The following ZMAT4 variants were observed in gnomAD, a reference collection of about 807,000 sequenced individuals.
The protein encoded by ZMAT4 is zinc finger matrin-type protein 4.
Under a neutral mutation model 28.7 loss-of-function variants are expected in ZMAT4, and 17 were observed. The ratio of observed to expected loss-of-function variants is 0.59; its 90% CI spans 0.41 to 0.89. The LOEUF is 0.89. Ranked by LOEUF, ZMAT4 falls within the 40% of genes least tolerant of loss-of-function variation. The pLI is 0.00. For synonymous variants in ZMAT4, 117 were observed against 109.2 expected, an observed-to-expected ratio of 1.07 and a Z score of -0.44; for missense variants, 240 against 283.8, an observed-to-expected ratio of 0.85 and a Z score of 1.11.
At chr8:40,744,516 A>G (rs1357824813) in intron 3 of ZMAT4, among the ~76,000 whole-genome samples, 1 of 152,146 alleles carries the variant, frequency 6.6e-6, no homozygotes, top group Non-Finnish European at 1.5e-5. Context: ...AGGGCTCACC[A>G]TTTCTGTCCT....
intron 2 of ZMAT4, among the ~76,000 whole-genome samples, chr8:40,769,053 G>T (rs1400280176): frequency 6.6e-6 from 1 of 152,092 alleles, no homozygotes; most frequent in Non-Finnish European, 1.5e-5. Context: ...CCTATATTCT[G>T]TCTAGAGCAA....
chr8:40,811,026 T>A (rs1276972969), intron 2 of ZMAT4, among the ~76,000 whole-genome samples: 4 of 152,172 alleles, frequency 2.6e-5, no homozygotes, highest in Non-Finnish European at 5.9e-5. Flanking sequence ...ATAAAGCCAA[T>A]GATTGGCAGA....
chr8:40,842,723 A>G (rs1816745908), intron 1 of ZMAT4, among the ~76,000 whole-genome samples: 1 of 152,228 alleles, frequency 6.6e-6, no homozygotes, highest in Non-Finnish European at 1.5e-5. Context: ...GAGCTGTGAC[A>G]TGGCTGGTCC....
chr8:40,561,665 C>T (rs1001441748), intron 6 of ZMAT4, among the ~76,000 whole-genome samples: 2 of 152,160 alleles, frequency 1.3e-5, no homozygotes, highest in African/African-American at 4.8e-5. Context: ...CACAAAGGCT[C>T]AGTGCAAGCT....
intron 2 of ZMAT4, among the ~76,000 whole-genome samples, chr8:40,787,621 T>C (rs1466050816): frequency 6.6e-6 from 1 of 152,230 alleles, no homozygotes; most frequent in African/African-American, 2.4e-5. Context: ...ACACTACTTT[T>C]GTGCTTTGGA....
chr8:40,571,590 A>T (rs534791306), intron 6 of ZMAT4, among the ~76,000 whole-genome samples: 1 of 152,232 alleles, frequency 6.6e-6, no homozygotes, highest in South Asian at 2.1e-4. Flanking sequence ...AGTGATGCTG[A>T]TTATCCAGAT....
intron 3 of ZMAT4, among the ~76,000 whole-genome samples, chr8:40,738,284 ACT>A (rs1000347147): frequency 1.1e-4 from 16 of 152,102 alleles, no homozygotes; most frequent in Admixed American, 5.2e-4. Flanking sequence ...TGAGAAAATG[ACT>A]CTGCTTTGTT....
intron 2 of ZMAT4, among the ~76,000 whole-genome samples, chr8:40,820,977 GTATGTGTGTT>G (rs1253479483): frequency 6.7e-6 from 1 of 149,878 alleles, no homozygotes; most frequent in South Asian, 2.1e-4. Flanking sequence ...GTGTGTATGT[GTATGTGTGTT>G]TATGTGTGTG....
At chr8:40,739,530 T>C (rs1194255759) in intron 3 of ZMAT4, among the ~76,000 whole-genome samples, 4 of 152,144 alleles carry the variant, frequency 2.6e-5, no homozygotes, top group Non-Finnish European at 5.9e-5. Flanking sequence ...CAGTGATCTA[T>C]TTGAGTTCCA....
intron 5 of ZMAT4, among the ~76,000 whole-genome samples, chr8:40,587,732 A>G (rs1375401987): frequency 6.6e-6 from 1 of 152,086 alleles, no homozygotes; most frequent in East Asian, 1.9e-4. Flanking sequence ...ACAAATAGAA[A>G]ACAGATAGCA....
chr8:40,612,954 A>G (rs1248512290), intron 5 of ZMAT4, among the ~76,000 whole-genome samples: 1 of 151,720 alleles, frequency 6.6e-6, no homozygotes, highest in Non-Finnish European at 1.5e-5. Context: ...CTGGGATTAC[A>G]GGTGCCCGCC....
chr8:40,651,024 G>T (rs1457276942), intron 5 of ZMAT4, among the ~76,000 whole-genome samples: 1 of 150,844 alleles, frequency 6.6e-6, no homozygotes, highest in African/African-American at 2.4e-5. Flanking sequence ...CACAAGACAG[G>T]GATGCCCTCT....
intron 2 of ZMAT4, among the ~76,000 whole-genome samples, chr8:40,819,251 A>T (rs1815655987): frequency 6.6e-6 from 1 of 152,162 alleles, no homozygotes; most frequent in African/African-American, 2.4e-5. Flanking sequence ...CAGTACTGAT[A>T]TTCACCAAGA....
intron 1 of ZMAT4, among the ~76,000 whole-genome samples, chr8:40,843,797 G>A (rs936692125): frequency 6.6e-6 from 1 of 152,226 alleles, no homozygotes; most frequent in African/African-American, 2.4e-5. Context: ...TGAGATGGCA[G>A]AAGCTATCAG....
intron 6 of ZMAT4, among the ~76,000 whole-genome samples, chr8:40,550,996 A>G (rs1053568496): frequency 2.6e-5 from 4 of 152,132 alleles, no homozygotes; most frequent in Non-Finnish European, 5.9e-5. Context: ...GTACATTTTC[A>G]TGTCCCTACT....
At chr8:40,738,638 C>G (rs566654167) in intron 3 of ZMAT4, among the ~76,000 whole-genome samples, 3 of 152,270 alleles carry the variant, frequency 2.0e-5, no homozygotes, top group South Asian at 2.1e-4. Flanking sequence ...TCCACTCCTA[C>G]AGATGGCGGC....
intron 4 of ZMAT4, among the ~76,000 whole-genome samples, chr8:40,692,883 T>TA (rs200407145): frequency 7.4e-4 from 112 of 151,186 alleles, no homozygotes; most frequent in East Asian, 5.4e-3. Context: ...GGATTTATCA[T>TA]AAAAAAAAAG....
chr8:40,646,783 A>G (rs986239714), intron 5 of ZMAT4, among the ~76,000 whole-genome samples: 10 of 152,210 alleles, frequency 6.6e-5, no homozygotes, highest in African/African-American at 2.4e-4. Context: ...CACTTTCAAT[A>G]TGGATAGAAC....
At chr8:40,668,077 G>T (rs1808504598) in intron 5 of ZMAT4, among the ~76,000 whole-genome samples, 1 of 152,118 alleles carries the variant, frequency 6.6e-6, no homozygotes, top group Non-Finnish European at 1.5e-5. Context: ...AGGATCTAAA[G>T]CTGTAGAAGT....
Sources: allele counts gnomAD v4.1 joint callset (sites outside exome capture counted in the v4.1 genomes callset), GRCh38; gene constraint gnomAD v4.1.1; transcripts MANE v1.5; gene names NCBI Gene and HGNC (gene_info 2026-07-23, HGNC 2026-07-21).